Variants in CC2D2A observed in about 807,000 individuals in gnomAD.
CC2D2A encodes coiled-coil and C2 domain-containing protein 2A.
In CC2D2A, 155 loss-of-function variants were observed where a neutral mutation model predicts 212.9. The ratio of observed to expected loss-of-function variants is 0.73; its 90% CI spans 0.64 to 0.83. The LOEUF is 0.83. CC2D2A is among the 40% of genes least tolerant of loss of function. The pLI is 0.00. For missense variants in CC2D2A, 1,856 were observed against 1,956.2 expected (o/e 0.95, Z 0.97); for synonymous variants, 667 against 686.5 (o/e 0.97, Z 0.44).
rs761941844 is a variant in CC2D2A at position 15,476,008 on chromosome 4, T to C, written c.39+37T>C. 22 of 1,556,176 alleles carry C rather than the reference T, an allele frequency of 1.4e-5. No homozygotes were observed. In the South Asian group the frequency reaches 2.5e-4, roughly 17 times the overall value. On this transcript the variant is annotated intron_variant, in intron 2 of 36. Transcript: ENST00000424120. ...CTTTGATGTCCTCTAGGGATGTGTT[T>C]GTGTGTGCATGCTTATGTTACACGT...
At chr4:15,549,759 C>T (rs550208981) in intron 17 of CC2D2A, among the ~76,000 whole-genome samples, 368 of 152,124 alleles carry the variant, frequency 2.4e-3, no homozygotes, top group Non-Finnish European at 4.0e-3. Context: ...GCCAAGATCA[C>T]GGCACTGCAC....
intron 4 of CC2D2A, among the ~76,000 whole-genome samples, chr4:15,483,109 A>G (rs1251529728): frequency 1.3e-5 from 2 of 152,254 alleles, no homozygotes; most frequent in African/African-American, 2.4e-5. Context: ...GAGTCTGTGG[A>G]GCCAGGCATC....
chr4:15,597,900 G>T (rs889935608), intron 35 of CC2D2A, among the ~76,000 whole-genome samples: 2 of 152,078 alleles, frequency 1.3e-5, no homozygotes, highest in African/African-American at 4.8e-5. Flanking sequence ...TTATTCTCCT[G>T]GTTTCACAAT....
At chr4:15,488,329 A>T (rs1487552079) in intron 4 of CC2D2A, among the ~76,000 whole-genome samples, 1 of 152,168 alleles carries the variant, frequency 6.6e-6, no homozygotes, top group African/African-American at 2.4e-5. Flanking sequence ...TGCTGGATAT[A>T]ATACTCTAAG....
intron 18 of CC2D2A, 66 bp downstream of exon 18, chr4:15,551,046 AT>A: frequency 8.2e-7 from 1 of 1,226,468 alleles, no homozygotes. Flanking sequence ...GTATATATCT[AT>A]TTCACTTCCC....
At chr4:15,553,052 C>A (rs1283779318) in intron 18 of CC2D2A, 106 bp from the exon 19 acceptor site, 9 of 970,282 alleles carry the variant, frequency 9.3e-6, no homozygotes, top group Non-Finnish European at 1.3e-5. Context: ...ATCTTCATCA[C>A]CCCCACCCAC....
intron 33 of CC2D2A, among the ~76,000 whole-genome samples, chr4:15,591,498 C>T (rs1215811417): frequency 2.6e-5 from 4 of 152,154 alleles, no homozygotes; most frequent in East Asian, 1.9e-4. Context: ...GGATTACAGG[C>T]GTGAGCCACC....
Position 15,599,725 on chromosome 4 carries a change from C to A in CC2D2A, c.4674+19C>A. ...CTACAGGGTAAGTTACAAATGGATC[C>A]TAAACTGACTGTGGATTTCCTTGTT... On this transcript the variant is annotated intron_variant, in intron 36 of 36. Coordinates refer to ENST00000424120, the MANE Select transcript of CC2D2A (RefSeq NM_001378615.1). The A allele has an allele frequency of 6.4e-7, 1 of 1,553,884 alleles. No individual in the cohort carries two copies. Among genetic ancestry groups the A allele is most frequent in the South Asian group, 1.2e-5 (1 of 84,408 alleles).
chr4:15,563,614 G>A (rs904601799), intron 24 of CC2D2A, 92 bp downstream of exon 24: 19 of 1,385,908 alleles, frequency 1.4e-5, no homozygotes, highest in African/African-American at 4.3e-5. Context: ...CATTCTTAAC[G>A]TGGTTATTGT....
intron 30 of CC2D2A, among the ~76,000 whole-genome samples, chr4:15,581,725 G>A (rs1489217660): frequency 6.6e-6 from 1 of 152,180 alleles, no homozygotes; most frequent in Non-Finnish European, 1.5e-5. Flanking sequence ...TCACATTTGA[G>A]ACTGGAATTT....
intron 4 of CC2D2A, among the ~76,000 whole-genome samples, chr4:15,487,448 C>T (rs9993656): frequency 0.86 from 130,917 of 152,064 alleles, 56,471 homozygotes; most frequent in East Asian, 0.98. Flanking sequence ...TTATCTGATA[C>T]ATATACAGCT....
intron 4 of CC2D2A, chr4:15,481,244 C>T (rs1321496273): frequency 2.2e-6 from 1 of 454,930 alleles, no homozygotes. Flanking sequence ...CACGGTGACT[C>T]ACGTCTGTAA....
intron 1 of CC2D2A, among the ~76,000 whole-genome samples, chr4:15,470,687 CTCTATATA>C (rs1410525019): frequency 3.4e-4 from 11 of 32,394 alleles, no homozygotes; most frequent in South Asian, 2.5e-3. Flanking sequence ...CTCTCTCTCT[CTCTATATA>C]TATATATATA....
Position 15,587,842 on chromosome 4 carries a change from T to A in CC2D2A, c.4092T>A (p.Asp1364Glu). 1 of 1,612,984 alleles carries A rather than the reference T, an allele frequency of 6.2e-7. No homozygotes were observed. The highest frequency in any genetic ancestry group is 8.5e-7 in the Non-Finnish European group (1 of 1,179,002). Reference sequence around the variant, plus strand: ...AATTTCTTGATCTCCTGGCAGGGGATGAAGAAGAACATGCAGTACTATTGT... The same window carrying A: ...AATTTCTTGATCTCCTGGCAGGGGAAGAAGAAGAACATGCAGTACTATTGT... ...SDQFLDLLAG[D>E]EEEHAVLLCN... Residue 1364 changes from aspartate to glutamate, a missense_variant, in exon 32 of 37, where the codon GAT becomes GAA. By Grantham distance (45) the Asp-to-Glu change is conservative. This residue lies in a region of CC2D2A where 36 missense variants were observed against 35.5 expected (regional missense o/e 1.02). Transcript: ENST00000424120.
intron 18 of CC2D2A, among the ~76,000 whole-genome samples, chr4:15,551,555 TA>T (rs1719009652): frequency 1.3e-5 from 2 of 152,186 alleles, no homozygotes; most frequent in African/African-American, 4.8e-5. Context: ...GGCTGTCTCT[TA>T]TTATTGGAAC....
chr4:15,547,453 T>C (rs751032246), intron 17 of CC2D2A, among the ~76,000 whole-genome samples: 1 of 152,136 alleles, frequency 6.6e-6, no homozygotes, highest in Non-Finnish European at 1.5e-5. Flanking sequence ...CTCTTCATCC[T>C]CCTCCTCTAC....
At chr4:15,579,680 C>A (rs1720569245) in intron 29 of CC2D2A, among the ~76,000 whole-genome samples, 1 of 152,184 alleles carries the variant, frequency 6.6e-6, no homozygotes. Context: ...TAGTACATCA[C>A]AGTTTAATTT....
At chr4:15,538,297 A>C (rs1164937270) in intron 16 of CC2D2A, among the ~76,000 whole-genome samples, 160 bp downstream of exon 16, 1 of 152,226 alleles carries the variant, frequency 6.6e-6, no homozygotes, top group Admixed American at 6.5e-5. Flanking sequence ...GTTGAACCAC[A>C]TGAAATTGCT....
intron 6 of CC2D2A, among the ~76,000 whole-genome samples, chr4:15,504,955 C>G (rs528748661): frequency 6.6e-6 from 1 of 152,342 alleles, no homozygotes; most frequent in East Asian, 1.9e-4. Context: ...AGGCTGCCGA[C>G]CTCACTCACT....
Sources: allele counts gnomAD v4.1 joint callset (sites outside exome capture counted in the v4.1 genomes callset), GRCh38; gene constraint gnomAD v4.1.1; regional missense constraint gnomAD v4.1.1; transcripts MANE v1.5; gene names NCBI Gene and HGNC (gene_info 2026-07-23, HGNC 2026-07-21).